The following ABCA1 variants were observed in gnomAD, a reference collection of about 807,000 sequenced individuals.
ABCA1 encodes phospholipid-transporting ATPase ABCA1.
A neutral mutation model predicts 262.5 loss-of-function variants in ABCA1; 133 were observed. The observed-to-expected ratio is 0.51, with a 90% CI of 0.44 to 0.59. The LOEUF is 0.59. Among genes scored for constraint, ABCA1 ranks in the 20% least tolerant of loss-of-function variants. The pLI, the probability that ABCA1 is intolerant of heterozygous loss-of-function variation, is 0.00. For synonymous variants in ABCA1, 1,022 were observed against 1,043.5 expected, an observed-to-expected ratio of 0.98 and a Z score of 0.40; for missense variants, 2,452 against 2,777.5, an observed-to-expected ratio of 0.88 and a Z score of 2.63.
rs1828535668 is a variant in ABCA1 at position 104,781,363 on chromosome 9, G to A, written c.*2952C>T. On this transcript the variant is annotated 3_prime_UTR_variant, in exon 50 of 50. Coordinates refer to ENST00000374736, the MANE Select transcript of ABCA1 (RefSeq NM_005502.4). ...ATTCTAAGGGGGATGCAACAATTTT[G>A]AAAAGAATTAGAGCAATATTTCTAC... is the stretch of plus-strand genomic sequence containing the variant. 1 of 152,494 alleles carries A rather than the reference G, an allele frequency of 6.6e-6. No homozygotes were observed. Among genetic ancestry groups the A allele is most frequent in the South Asian group, 2.1e-4 (1 of 4,822 alleles). The allele number at this position is 152,494 out of a possible 1,614,324, so 9.4% of individuals were successfully genotyped here.
intron 47 of ABCA1, 95 bp from the exon 48 acceptor site, chr9:104,786,485 A>C: frequency 9.1e-7 from 1 of 1,100,826 alleles, no homozygotes; most frequent in Non-Finnish European, 1.4e-6. Context: ...TTCCTAGGGA[A>C]TTGTATTCTG....
intron 19 of ABCA1, among the ~76,000 whole-genome samples, chr9:104,822,258 G>T (rs1832429200): frequency 6.6e-6 from 1 of 152,186 alleles, no homozygotes; most frequent in African/African-American, 2.4e-5. Flanking sequence ...AGAATTCTGT[G>T]AACTACATGG....
At chr9:104,903,993 T>C (rs2118435633) in intron 1 of ABCA1, among the ~76,000 whole-genome samples, 1 of 152,328 alleles carries the variant, frequency 6.6e-6, no homozygotes, top group Middle Eastern at 3.4e-3. Flanking sequence ...AGCTACGTGT[T>C]ATGGTCCTAA....
rs145107037 is a variant in ABCA1 at position 104,785,981 on chromosome 9, C to T, written c.6401+317G>A. Among the ~76,000 whole-genome samples the T allele has an allele frequency of 5.0e-3, 767 of 152,236 alleles. 8 individuals carry two copies. Among genetic ancestry groups the T allele is most frequent in the African/African-American group, 0.018 (731 of 41,522 alleles). On this transcript the variant is annotated intron_variant, in intron 48 of 49. Transcript: ENST00000374736. The stretch of plus-strand genomic sequence containing the variant: ...GATGCAAACCCATTTGTGTTTGACT[C>T]CAAAGCTTGCGCTCTCACCAGTACT...
At chr9:104,819,781 C>A (rs1564127149) in intron 21 of ABCA1, 58 bp from the exon 22 acceptor site, 7 of 1,613,548 alleles carry the variant, frequency 4.3e-6, no homozygotes, top group Non-Finnish European at 5.9e-6. Context: ...TGAGTGAAGG[C>A]AGAGGACCTA....
Position 104,869,114 on chromosome 9 carries a change from C to T in ABCA1, c.422-7314G>A, listed in dbSNP as rs544160885. Among the ~76,000 whole-genome samples the T allele has an allele frequency of 1.8e-4, 28 of 152,126 alleles. No individual in the cohort carries two copies. In the South Asian group the frequency reaches 5.2e-3, roughly 28 times the overall value. On this transcript the variant is annotated intron_variant, in intron 5 of 49. Transcript: ENST00000374736. ...CTTTGCTGAGCTGAGCTGAGCCAGA[C>T]GGGGTTACTCTCGGTCAGTGCCCTC...
rs1427151059 is a variant in ABCA1, at chr9:104,782,459, C to G, written c.*1856G>C. The G allele has an allele frequency of 6.6e-6, 1 of 152,066 alleles. No homozygotes were observed. The highest frequency in any genetic ancestry group is 2.4e-5 in the African/African-American group (1 of 41,420). The allele number at this position is 152,066 out of a possible 1,614,324, so 9.4% of individuals were successfully genotyped here. On this transcript the variant is annotated 3_prime_UTR_variant, in exon 50 of 50. Transcript: ENST00000374736. ...GAAGTTAGTAATGATATTGAAAGAT[C>G]ACTTGAACTTCCCCAAACAATAGTT...
chr9:104,889,370 T>C, intron 2 of ABCA1, 175 bp from the exon 3 acceptor site: 5 of 985,150 alleles, frequency 5.1e-6, no homozygotes, highest in Non-Finnish European at 6.0e-6. Flanking sequence ...CCTTTTAACA[T>C]ACCATTCCAT....
chr9:104,808,806 TA>T (rs1156403166), intron 30 of ABCA1, among the ~76,000 whole-genome samples: 1 of 152,146 alleles, frequency 6.6e-6, no homozygotes, highest in African/African-American at 2.4e-5. Flanking sequence ...AGATTCTGCC[TA>T]AACCTGGAAA....
chr9:104,914,294 T>C (rs1841702359), intron 1 of ABCA1, among the ~76,000 whole-genome samples: 1 of 151,366 alleles, frequency 6.6e-6, no homozygotes. Flanking sequence ...CTGGTCAACA[T>C]GATAAAACCC....
At position 104,782,468 on chromosome 9, in the gene ABCA1, T is replaced by G. The variant is rs1260563644; in HGVS notation, c.*1847A>C. 1 of 152,160 alleles carries G rather than the reference T, an allele frequency of 6.6e-6. No homozygotes were observed. Among genetic ancestry groups the G allele is most frequent in the African/African-American group, 2.4e-5 (1 of 41,448 alleles). 9.4% of individuals were successfully genotyped at this position (152,160 alleles called of 1,614,324 possible). On this transcript the variant is annotated 3_prime_UTR_variant, in exon 50 of 50. Transcript: ENST00000374736. ...AATGATATTGAAAGATCACTTGAAC[T>G]TCCCCAAACAATAGTTCTCTCATAT... is the stretch of plus-strand genomic sequence containing the variant.
intron 1 of ABCA1, among the ~76,000 whole-genome samples, chr9:104,918,097 T>C (rs569139771): frequency 6.6e-5 from 10 of 152,254 alleles, no homozygotes; most frequent in Admixed American, 6.5e-4. Flanking sequence ...AGATCATATA[T>C]AAGAAGAACT....
intron 5 of ABCA1, among the ~76,000 whole-genome samples, chr9:104,874,767 G>A (rs1328597517): frequency 7.9e-5 from 11 of 139,660 alleles, no homozygotes; most frequent in South Asian, 4.5e-4. Flanking sequence ...CGCCCCGTCC[G>A]GGAGGGAGGT....
chr9:104,798,081 G>A (rs947927289), intron 37 of ABCA1, among the ~76,000 whole-genome samples: 1 of 152,170 alleles, frequency 6.6e-6, no homozygotes, highest in African/African-American at 2.4e-5. Context: ...TCTGACTCTG[G>A]AGGTTAAAAC....
At chr9:104,809,366 G>T in intron 30 of ABCA1, 100 bp downstream of exon 30, 1 of 1,120,452 alleles carries the variant, frequency 8.9e-7, no homozygotes, top group Non-Finnish European at 1.3e-6. Context: ...GGCAAATGCT[G>T]GCGGTCACAA....
rs369761909 is a variant in ABCA1, at chr9:104,889,211, G to A, written c.67-16C>T. 3.7e-6 allele frequency: 6 copies of A among 1,612,168 alleles called. No individual in the cohort carries two copies. In the African/African-American group the frequency reaches 8.0e-5, roughly 22 times the overall value. ...GCAGCTGACACTGAGTGGGAAATAA[G>A]ATAGAACACTGTAAATTTAAAAATA... On this transcript the variant is annotated splice_polypyrimidine_tract_variant and intron_variant, in intron 2 of 49. Coordinates refer to ENST00000374736, the MANE Select transcript of ABCA1 (RefSeq NM_005502.4).
chr9:104,874,929 G>A (rs756105989), intron 5 of ABCA1, among the ~76,000 whole-genome samples: 4 of 150,370 alleles, frequency 2.7e-5, no homozygotes, highest in Admixed American at 6.6e-5. Flanking sequence ...GCCTCTGCCC[G>A]GCCGCCCCTT....
chr9:104,902,100 C>T (rs1172369390), intron 2 of ABCA1, among the ~76,000 whole-genome samples: 1 of 152,132 alleles, frequency 6.6e-6, no homozygotes, highest in Admixed American at 6.5e-5. Flanking sequence ...ATCAGTTTTT[C>T]TCAAAGGAAG....
At chr9:104,840,241 G>C (rs1017434300) in intron 9 of ABCA1, 38 bp downstream of exon 9, 1 of 1,613,788 alleles carries the variant, frequency 6.2e-7, no homozygotes. Context: ...GGGAGGGATG[G>C]GGTTGGGGAC....
Sources: allele counts gnomAD v4.1 joint callset (sites outside exome capture counted in the v4.1 genomes callset), GRCh38; gene constraint gnomAD v4.1.1; transcripts MANE v1.5; gene names NCBI Gene and HGNC (gene_info 2026-07-23, HGNC 2026-07-21).